The following MEGF10 variants were observed in gnomAD, a reference collection of about 807,000 sequenced individuals.
MEGF10 encodes the protein multiple epidermal growth factor-like domains protein 10.
Under a neutral mutation model 147.5 loss-of-function variants are expected in MEGF10, and 86 were observed. That is an observed-to-expected ratio of 0.58 (90% confidence interval 0.49 to 0.70). The LOEUF (loss-of-function observed/expected upper bound fraction) is 0.70, where lower values mean the gene tolerates loss of function less well. Ranked by LOEUF, MEGF10 falls within the 30% of genes least tolerant of loss-of-function variation. MEGF10 has a pLI of 0.00. For missense variants in MEGF10, 1,329 were observed against 1,487.3 expected (o/e 0.89, Z 1.75); for synonymous variants, 478 against 525.5 (o/e 0.91, Z 1.24).
rs17605067 is a variant in MEGF10, at chr5:127,445,394, G to A, written c.2492-63G>A. On this transcript the variant is annotated intron_variant, in intron 19 of 24. Transcript: ENST00000503335. ...TTAGCACAGAAGGAGGTTTTTGTAAGTAGAGATCAAACGTTTATCCAGCAC... is the reference window on the plus strand; with the variant it reads ...TTAGCACAGAAGGAGGTTTTTGTAAATAGAGATCAAACGTTTATCCAGCAC... 9,065 of 1,286,532 alleles carry A rather than the reference G, an allele frequency of 7.0e-3. 67 individuals carry two copies. Among genetic ancestry groups the A allele is most frequent in the Non-Finnish European group, 7.9e-3 (7,006 of 887,534 alleles). 79.7% of individuals were successfully genotyped at this position (1,286,532 alleles called of 1,614,324 possible).
At chr5:127,382,574 T>C (rs1042759589) in intron 5 of MEGF10, among the ~76,000 whole-genome samples, 3 of 152,210 alleles carry the variant, frequency 2.0e-5, no homozygotes, top group Admixed American at 6.5e-5. Context: ...GATTTATCCA[T>C]GCCTTAAATT....
In MEGF10 at chr5:127,294,835, T is replaced by TAATAATAATAATAATAATAAA. The variant is rs56033520; in HGVS notation, c.-19+3781_-19+3782insTAATAATAATAATAATAAAAA. Among the ~76,000 whole-genome samples the TAATAATAATAATAATAATAAA allele has an allele frequency of 6.1e-4, 88 of 143,136 alleles. 1 individual carries two copies. Among genetic ancestry groups the TAATAATAATAATAATAATAAA allele is most frequent in the East Asian group, 1.2e-3 (6 of 4,948 alleles). 93.9% of individuals were successfully genotyped at this position (143,136 alleles called of 152,430 possible). Reference sequence around the variant, plus strand: ...ATAATAATAATAATAATAATAATAATAAATAACTTGGAGTAGAAAAAGGAC... The same window carrying TAATAATAATAATAATAATAAA: ...ATAATAATAATAATAATAATAATAATAATAATAATAATAATAATAAAAAATAACTTGGAGTAGAAAAAGGAC... On this transcript the variant is annotated intron_variant, in intron 1 of 24. Coordinates refer to ENST00000503335, the MANE Select transcript of MEGF10 (RefSeq NM_001256545.2).
chr5:127,272,991 TGA>T, the MEGF10 span, among the ~76,000 whole-genome samples: 1 of 152,170 alleles, frequency 6.6e-6, no homozygotes, highest in Admixed American at 6.5e-5. Context: ...ATAGGGGTGG[TGA>T]GAGAGGGCAA....
At chr5:127,257,838 G>T in the MEGF10 span, among the ~76,000 whole-genome samples, 1 of 152,158 alleles carries the variant, frequency 6.6e-6, no homozygotes, top group Non-Finnish European at 1.5e-5. Flanking sequence ...TTAGAAATAG[G>T]TATGTACATA....
At chr5:127,455,024 C>T (rs542703391) in intron 23 of MEGF10, among the ~76,000 whole-genome samples, 1 of 152,278 alleles carries the variant, frequency 6.6e-6, no homozygotes, top group East Asian at 1.9e-4. Flanking sequence ...GTCCTCCCAG[C>T]ACAAATGCCT....
At chr5:127,247,281 GGTT>G in the MEGF10 span, among the ~76,000 whole-genome samples, 1 of 125,850 alleles carries the variant, frequency 7.9e-6, no homozygotes, top group South Asian at 2.7e-4. Context: ...GTGTGTGTGT[GGTT>G]GGGGGGTGGG....
At chr5:127,256,872 C>T in the MEGF10 span, among the ~76,000 whole-genome samples, 25 of 152,182 alleles carry the variant, frequency 1.6e-4, 1 homozygote, top group African/African-American at 6.0e-4. Flanking sequence ...AAAAGCCATA[C>T]AAAATTTATT....
chr5:127,256,383 A>G, the MEGF10 span, among the ~76,000 whole-genome samples: 1 of 152,200 alleles, frequency 6.6e-6, no homozygotes. Flanking sequence ...GTTTTTTACA[A>G]CAGTCGTTTT....
At chr5:127,265,430 T>C in the MEGF10 span, among the ~76,000 whole-genome samples, 1 of 152,200 alleles carries the variant, frequency 6.6e-6, no homozygotes, top group Non-Finnish European at 1.5e-5. Context: ...TTTGGGTATA[T>C]ACCCAGTAAT....
chr5:127,244,143 C>A, the MEGF10 span, among the ~76,000 whole-genome samples: 10 of 136,286 alleles, frequency 7.3e-5, no homozygotes, highest in Non-Finnish European at 1.5e-4. Flanking sequence ...TTGCAGTGAG[C>A]CAAGACTGCA....
At chr5:127,369,073 A>G (rs924564697) in intron 4 of MEGF10, among the ~76,000 whole-genome samples, 2 of 152,226 alleles carry the variant, frequency 1.3e-5, no homozygotes, top group African/African-American at 4.8e-5. Context: ...AGAGCACCTC[A>G]TCCCACCCTT....
chr5:127,319,137 A>G lies in MEGF10; in HGVS notation c.-18-12154A>G, dbSNP rs145100364. ...GTTGCCCAGGCTGGAGTGCAGTGGT[A>G]TGATCTCGGCTCACTGCAACCCCTG... On this transcript the variant is annotated intron_variant, in intron 1 of 24. Transcript: ENST00000503335. Among the ~76,000 whole-genome samples, 1,216 of 143,652 alleles carry G rather than the reference A, an allele frequency of 8.5e-3. 15 individuals are homozygous for G. The highest frequency in any genetic ancestry group is 0.029 in the African/African-American group (1,140 of 38,776). 94.2% of individuals were successfully genotyped at this position (143,652 alleles called of 152,430 possible).
Position 127,349,658 on chromosome 5 carries a change from C to T in MEGF10, c.319+9028C>T, listed in dbSNP as rs554379900. ...TAATGTCCTTGAGGTCCAGCCATAT[C>T]GTAGCAGCATGGGACAGGACTTCCT... On this transcript the variant is annotated intron_variant, in intron 4 of 24. Coordinates refer to ENST00000503335, the MANE Select transcript of MEGF10 (RefSeq NM_001256545.2). 1.2e-4 allele frequency among the ~76,000 whole-genome samples: 18 copies of T among 151,252 alleles called. No homozygotes were observed. In the South Asian group the frequency reaches 3.2e-3, roughly 27 times the overall value.
chr5:127,450,116 C>T lies in MEGF10; in HGVS notation c.2980+894C>T, dbSNP rs141226812. Among the ~76,000 whole-genome samples the T allele has an allele frequency of 7.9e-5, 12 of 152,316 alleles. No homozygotes were observed. In the East Asian group the frequency reaches 2.3e-3, roughly 29 times the overall value. ...GGATTATCATGTCTGCTTTTACGTT[C>T]AGTTGGTTTTGATCTCATACTTTAT... On this transcript the variant is annotated intron_variant, in intron 22 of 24. Coordinates refer to ENST00000503335, the MANE Select transcript of MEGF10 (RefSeq NM_001256545.2).
At chr5:127,391,094 GCGCGCGCGCA>G (rs1443988073) in intron 5 of MEGF10, among the ~76,000 whole-genome samples, 523 of 24,440 alleles carry the variant, frequency 0.021, 7 homozygotes, top group Admixed American at 0.14. Context: ...ACATGCGCGC[GCGCGCGCGCA>G]CACACACACA....
At chr5:127,385,162 T>A (rs1298150119) in intron 5 of MEGF10, among the ~76,000 whole-genome samples, 1 of 152,248 alleles carries the variant, frequency 6.6e-6, no homozygotes, top group African/African-American at 2.4e-5. Context: ...TAAATTTTCT[T>A]CTCTATTAAT....
intron 15 of MEGF10, 141 bp downstream of exon 15, chr5:127,434,962 G>A (rs1765506853): frequency 1.6e-6 from 2 of 1,222,966 alleles, no homozygotes; most frequent in Non-Finnish European, 1.1e-6. Flanking sequence ...TGTGTCTGCA[G>A]CTTCTCAGAT....
intron 1 of MEGF10, among the ~76,000 whole-genome samples, chr5:127,298,661 A>G (rs766610567): frequency 1.3e-5 from 2 of 152,168 alleles, no homozygotes; most frequent in Non-Finnish European, 2.9e-5. Context: ...TTCAAAAGGC[A>G]TGCCTTTTTT....
Position 127,396,635 on chromosome 5 carries a change from C to A in MEGF10, c.516C>A (p.Gly172=). The change falls in exon 6 of 25, where the codon GGC becomes GGA. Residue 172 remains glycine, a synonymous_variant. Coordinates refer to ENST00000503335, the MANE Select transcript of MEGF10 (RefSeq NM_001256545.2). ...CCGGGGCTTGCCACTGTGCTGCGGG[C>A]TTCCGGGGCTGGCGCTGCGAGGACC... ...PITGACHCAA[G]FRGWRCEDRC... is the part of the protein sequence containing the mutation. The A allele has an allele frequency of 6.2e-7, 1 of 1,614,022 alleles. No individual in the cohort carries two copies. The highest frequency in any genetic ancestry group is 8.5e-7 in the Non-Finnish European group (1 of 1,179,988).
Sources: gnomAD v4.1 joint callset for allele counts (sites outside exome capture counted in the v4.1 genomes callset) on GRCh38, gnomAD v4.1.1 for gene constraint, MANE v1.5 for transcripts, NCBI Gene and HGNC (gene_info 2026-07-23, HGNC 2026-07-21) for gene names.